MECOM: variants seen among roughly 807,000 people sequenced by gnomAD.
MECOM encodes the protein histone-lysine N-methyltransferase MECOM.
MECOM carries 13 observed loss-of-function variants against 116.3 expected under a neutral mutation model. The ratio of observed to expected loss-of-function variants is 0.11; its 90% CI spans 0.07 to 0.18. The LOEUF is 0.18. Ranked by LOEUF, MECOM falls within the 10% of genes least tolerant of loss-of-function variation. MECOM has a pLI of 1.00. For missense variants in MECOM, 1,299 were observed against 1,509.0 expected, an observed-to-expected ratio of 0.86 and a Z score of 2.31; for synonymous variants, 528 against 535.2, an observed-to-expected ratio of 0.99 and a Z score of 0.19.
intron 1 of MECOM, among the ~76,000 whole-genome samples, chr3:169,628,283 A>C (rs1239142590): frequency 6.6e-6 from 1 of 152,242 alleles, no homozygotes; most frequent in Non-Finnish European, 1.5e-5. Context: ...ATTTTTAAAA[A>C]TATTTTTAGA....
intron 1 of MECOM, among the ~76,000 whole-genome samples, chr3:169,587,341 C>G (rs941213806): frequency 6.6e-6 from 1 of 151,732 alleles, no homozygotes; most frequent in Non-Finnish European, 1.5e-5. Context: ...TTTAAGAGAA[C>G]AGTAACATTT....
intron 2 of MECOM, among the ~76,000 whole-genome samples, chr3:169,329,705 A>G (rs1401306958): frequency 6.6e-6 from 1 of 152,238 alleles, no homozygotes; most frequent in African/African-American, 2.4e-5. Context: ...GTTCCATTGC[A>G]ATATTTTTAA....
chr3:169,403,214 T>C (rs1159559374), intron 1 of MECOM, among the ~76,000 whole-genome samples: 1 of 152,214 alleles, frequency 6.6e-6, no homozygotes, highest in Non-Finnish European at 1.5e-5. Flanking sequence ...CCTCAGCCTA[T>C]GTGCCTTCTT....
intron 1 of MECOM, among the ~76,000 whole-genome samples, chr3:169,642,468 G>C (rs966823210): frequency 1.4e-5 from 2 of 140,490 alleles, no homozygotes; most frequent in African/African-American, 5.3e-5. Context: ...AAAAAGAAAA[G>C]AAAACTGCAA....
At chr3:169,506,946 A>G (rs1755310050) in intron 1 of MECOM, among the ~76,000 whole-genome samples, 1 of 152,190 alleles carries the variant, frequency 6.6e-6, no homozygotes. Context: ...TTTAAAATTC[A>G]CATGTTCTTC....
intron 2 of MECOM, among the ~76,000 whole-genome samples, chr3:169,256,987 A>T (rs760742497): frequency 6.6e-6 from 1 of 152,246 alleles, no homozygotes; most frequent in Non-Finnish European, 1.5e-5. Context: ...AAACAGCTTC[A>T]TGGCAGGCTG....
At chr3:169,580,463 A>G (rs1765003772) in intron 1 of MECOM, among the ~76,000 whole-genome samples, 1 of 152,202 alleles carries the variant, frequency 6.6e-6, no homozygotes, top group South Asian at 2.1e-4. Flanking sequence ...CATATCAAAT[A>G]TCTAAAACTA....
intron 1 of MECOM, among the ~76,000 whole-genome samples, chr3:169,592,421 C>T (rs1766538210): frequency 6.6e-6 from 1 of 152,198 alleles, no homozygotes; most frequent in South Asian, 2.1e-4. Context: ...ACAGCCTCCA[C>T]CTCCTCTTAC....
rs761539178 is a variant in MECOM, at chr3:169,116,451, C to T, written c.1421G>A (p.Arg474Lys). 3.7e-6 allele frequency: 6 copies of T among 1,614,130 alleles called. No individual in the cohort carries two copies. In the South Asian group the frequency reaches 4.4e-5, roughly 12 times the overall value. ...PGLADYFGAN[R>K]HPAGLTFPTA... Reference sequence around the variant, plus strand: ...TGGAAAGGTAAGACCAGCAGGATGCCTATTGGCGCCAAAATAGTCAGCAAG... The same window carrying T: ...TGGAAAGGTAAGACCAGCAGGATGCTTATTGGCGCCAAAATAGTCAGCAAG... Residue 474 changes from arginine to lysine, a missense_variant, in exon 8 of 17, where the codon AGG (arginine) becomes AAG (lysine). Arg to Lys is a conservative substitution (Grantham distance 26). This residue lies in a region of MECOM where 238 missense variants were observed against 273.1 expected (regional missense o/e 0.87). Coordinates refer to ENST00000651503, the MANE Select transcript of MECOM (RefSeq NM_004991.4).
chr3:169,400,020 T>C (rs964311103), intron 1 of MECOM, among the ~76,000 whole-genome samples: 7 of 152,194 alleles, frequency 4.6e-5, no homozygotes, highest in African/African-American at 1.7e-4. Flanking sequence ...CTATTCCAAA[T>C]ACCAAGAACA....
chr3:169,162,134 C>T (rs1043013919), intron 2 of MECOM, among the ~76,000 whole-genome samples: 3 of 152,196 alleles, frequency 2.0e-5, no homozygotes, highest in African/African-American at 4.8e-5. Context: ...TTGGTGGATA[C>T]GGAGAATTCA....
intron 1 of MECOM, among the ~76,000 whole-genome samples, chr3:169,522,600 C>T (rs543401745): frequency 1.9e-4 from 29 of 152,250 alleles, no homozygotes; most frequent in South Asian, 2.1e-4. Flanking sequence ...CAGGTGATCT[C>T]GGCATCAGCA....
intron 2 of MECOM, among the ~76,000 whole-genome samples, chr3:169,212,637 T>A (rs1413228154): frequency 1.3e-3 from 3 of 2,304 alleles, no homozygotes; most frequent in African/African-American, 1.8e-3. Context: ...GTCAGCAATG[T>A]ATATATATAT....
chr3:169,275,636 G>T (rs1222987666), intron 2 of MECOM, among the ~76,000 whole-genome samples: 1 of 152,018 alleles, frequency 6.6e-6, no homozygotes, highest in Non-Finnish European at 1.5e-5. Flanking sequence ...GCTACAATTT[G>T]ATCATGTGTG....
chr3:169,257,716 C>T (rs1757020038), intron 2 of MECOM, among the ~76,000 whole-genome samples: 1 of 152,090 alleles, frequency 6.6e-6, no homozygotes, highest in Non-Finnish European at 1.5e-5. Context: ...TTTTCTTTCC[C>T]TTTTTTCCAT....
intron 2 of MECOM, among the ~76,000 whole-genome samples, chr3:169,228,358 G>A (rs1052558597): frequency 3.9e-5 from 6 of 152,136 alleles, no homozygotes; most frequent in African/African-American, 1.4e-4. Flanking sequence ...ATCATTTAAA[G>A]TCACTCATGA....
intron 1 of MECOM, among the ~76,000 whole-genome samples, chr3:169,572,391 T>G (rs1764012308): frequency 6.6e-6 from 1 of 152,222 alleles, no homozygotes; most frequent in South Asian, 2.1e-4. Flanking sequence ...ACACTGTTGG[T>G]GGGACTGTAA....
chr3:169,149,925 T>TTCTC (rs763887004), intron 2 of MECOM, among the ~76,000 whole-genome samples: 4,039 of 131,642 alleles, frequency 0.031, 57 homozygotes, highest in South Asian at 0.057. Flanking sequence ...TAATCTCTCT[T>TTCTC]TCTCTCTCTC....
intron 2 of MECOM, among the ~76,000 whole-genome samples, chr3:169,371,877 G>C (rs1176710444): frequency 1.3e-5 from 2 of 151,916 alleles, no homozygotes; most frequent in East Asian, 3.9e-4. Context: ...AGTTAACATA[G>C]ATTGCCTGTT....
Sources: allele counts gnomAD v4.1 joint callset (sites outside exome capture counted in the v4.1 genomes callset), GRCh38; gene constraint gnomAD v4.1.1; regional missense constraint gnomAD v4.1.1; transcripts MANE v1.5; gene names NCBI Gene and HGNC (gene_info 2026-07-23, HGNC 2026-07-21).